PCDHA13: variants seen among roughly 807,000 people sequenced by gnomAD.
PCDHA13 encodes the protein protocadherin alpha 13.
In PCDHA13, 54 loss-of-function variants were observed where a neutral mutation model predicts 64.8. The observed-to-expected ratio is 0.83, with a 90% CI of 0.67 to 1.04. The LOEUF (loss-of-function observed/expected upper bound fraction) is 1.04. Among genes scored for constraint, PCDHA13 ranks in the 50% least tolerant of loss-of-function variants. The pLI, the probability that PCDHA13 is intolerant of heterozygous loss-of-function variation, is 0.00. For synonymous variants in PCDHA13, 587 were observed against 564.4 expected (o/e 1.04, Z -0.57); for missense variants, 1,248 against 1,254.3 (o/e 0.99, Z 0.08).
intron 1 of PCDHA13, among the ~76,000 whole-genome samples, chr5:140,903,298 A>G (rs1218115864): frequency 6.6e-6 from 1 of 152,170 alleles, no homozygotes; most frequent in Non-Finnish European, 1.5e-5. Context: ...TAGGAAATTT[A>G]GTATACAATA....
Position 140,912,120 on chromosome 5 carries a change from G to A in PCDHA13, c.2394+27458G>A, listed in dbSNP as rs371645551. On this transcript the variant is annotated intron_variant, in intron 1 of 3. Transcript: ENST00000289272. ...AGAAAGATGTAGGCTGGGAGGCTAA[G>A]TCAGTCTAATCTCTCCATGTTCTTC... Among the ~76,000 whole-genome samples the A allele has an allele frequency of 1.7e-4, 26 of 152,328 alleles. 3 individuals are homozygous for A. In the East Asian group the frequency reaches 1.9e-3, roughly 11 times the overall value.
intron 3 of PCDHA13, among the ~76,000 whole-genome samples, chr5:141,005,494 G>A (rs1554260099): frequency 2.0e-5 from 3 of 151,700 alleles, no homozygotes; most frequent in Non-Finnish European, 2.9e-5. Flanking sequence ...ATGAGGTCAG[G>A]AGATCGAGAC....
At chr5:140,927,596 G>C in intron 1 of PCDHA13, 3 of 1,614,162 alleles carry the variant, frequency 1.9e-6, no homozygotes, top group Non-Finnish European at 2.5e-6. Flanking sequence ...GTATTTGAGC[G>C]CTCCGTATAC....
At chr5:140,925,955 G>T (rs1350124934) in intron 1 of PCDHA13, among the ~76,000 whole-genome samples, 1 of 152,076 alleles carries the variant, frequency 6.6e-6, no homozygotes. Context: ...AGGAGAAACT[G>T]CTATCACGCA....
intron 1 of PCDHA13, among the ~76,000 whole-genome samples, chr5:140,898,043 T>A (rs1554187781): frequency 6.6e-6 from 1 of 152,148 alleles, no homozygotes; most frequent in African/African-American, 2.4e-5. Context: ...GTTGTTTGTT[T>A]TTTTCTTGTA....
chr5:140,976,770 C>T (rs2096730456), intron 1 of PCDHA13, among the ~76,000 whole-genome samples: 1 of 152,162 alleles, frequency 6.6e-6, no homozygotes, highest in Non-Finnish European at 1.5e-5. Flanking sequence ...GCCTGCTAGA[C>T]TCTGACTATA....
At chr5:140,952,962 C>T (rs246032) in intron 1 of PCDHA13, among the ~76,000 whole-genome samples, 1 of 151,598 alleles carries the variant, frequency 6.6e-6, no homozygotes, top group Non-Finnish European at 1.5e-5. Context: ...GGAAGTGATA[C>T]ACACTTTTAA....
At chr5:140,916,321 C>T (rs1302078048) in intron 1 of PCDHA13, among the ~76,000 whole-genome samples, 1 of 152,160 alleles carries the variant, frequency 6.6e-6, no homozygotes, top group Non-Finnish European at 1.5e-5. Flanking sequence ...AGACAAAGTC[C>T]CCTTTACTTT....
At chr5:140,952,698 C>G (rs1020795237) in intron 1 of PCDHA13, among the ~76,000 whole-genome samples, 4 of 152,182 alleles carry the variant, frequency 2.6e-5, no homozygotes, top group Non-Finnish European at 4.4e-5. Context: ...ATAGCAATAT[C>G]CCACTCTCAG....
intron 1 of PCDHA13, among the ~76,000 whole-genome samples, chr5:140,905,859 A>T (rs2072155643): frequency 1.3e-5 from 2 of 152,192 alleles, no homozygotes; most frequent in Non-Finnish European, 2.9e-5. Context: ...GTATTAACTC[A>T]CACAATCACA....
At chr5:140,982,092 G>A (rs984553109) in intron 2 of PCDHA13, among the ~76,000 whole-genome samples, 1 of 152,218 alleles carries the variant, frequency 6.6e-6, no homozygotes, top group African/African-American at 2.4e-5. Context: ...CTAGGAACAA[G>A]AGAACCTGCA....
chr5:140,950,254 T>C (rs1554219388), intron 1 of PCDHA13, among the ~76,000 whole-genome samples: 1 of 152,040 alleles, frequency 6.6e-6, no homozygotes. Context: ...CCTAAAGAGC[T>C]GAGTTTATCC....
chr5:140,914,130 A>G (rs552189632), intron 1 of PCDHA13, among the ~76,000 whole-genome samples: 2 of 152,146 alleles, frequency 1.3e-5, no homozygotes, highest in African/African-American at 4.8e-5. Flanking sequence ...TTCTTTGTTG[A>G]GTTTTTGTCT....
chr5:140,927,445 T>C (rs2084204838), intron 1 of PCDHA13: 1 of 1,613,580 alleles, frequency 6.2e-7, no homozygotes, highest in Non-Finnish European at 8.5e-7. Context: ...ATACCCGGAG[T>C]TGGTGTTGGA....
Position 140,895,899 on chromosome 5 carries a change from C to T in PCDHA13, c.2394+11237C>T, listed in dbSNP as rs181661173. Among the ~76,000 whole-genome samples, 21 of 152,308 alleles carry T rather than the reference C, an allele frequency of 1.4e-4. No homozygotes were observed. The East Asian group carries it at 2.5e-3, about 18-fold the overall frequency. ...CGATCTCGGCTCACTGCAACCTCCGCGTCCCGGGCTCAACAATTATCCTGC... is the reference window on the plus strand; with the variant it reads ...CGATCTCGGCTCACTGCAACCTCCGTGTCCCGGGCTCAACAATTATCCTGC... On this transcript the variant is annotated intron_variant, in intron 1 of 3. Transcript: ENST00000289272.
At chr5:140,922,825 C>T (rs1554200979) in intron 1 of PCDHA13, among the ~76,000 whole-genome samples, 1 of 152,178 alleles carries the variant, frequency 6.6e-6, no homozygotes, top group Non-Finnish European at 1.5e-5. Context: ...CAGCATACTG[C>T]TAATAGATGT....
intron 1 of PCDHA13, chr5:140,969,086 G>A: frequency 6.2e-7 from 1 of 1,614,190 alleles, no homozygotes; most frequent in Non-Finnish European, 8.5e-7. Context: ...TGGCCTCAAA[G>A]TGCAGCCTCA....
At chr5:140,892,702 A>C (rs1391662001) in intron 1 of PCDHA13, among the ~76,000 whole-genome samples, 1 of 152,240 alleles carries the variant, frequency 6.6e-6, no homozygotes, top group Non-Finnish European at 1.5e-5. Flanking sequence ...AAATCAGGGT[A>C]ATTAGCATAT....
Position 140,916,977 on chromosome 5 carries a change from T to A in PCDHA13, c.2394+32315T>A, listed in dbSNP as rs569550595. Among the ~76,000 whole-genome samples the A allele has an allele frequency of 2.6e-5, 4 of 152,302 alleles. No individual in the cohort carries two copies. In the South Asian group the frequency reaches 8.3e-4, roughly 32 times the overall value. On this transcript the variant is annotated intron_variant, in intron 1 of 3. Transcript: ENST00000289272. ...AGTTCTGACTGCTGGGATGAGTGAT[T>A]CGCCTCTGGCCAGGCCTGTTCCAAA...
Sources: gnomAD v4.1 joint callset for allele counts (sites outside exome capture counted in the v4.1 genomes callset) on GRCh38, gnomAD v4.1.1 for gene constraint, MANE v1.5 for transcripts, NCBI Gene and HGNC (gene_info 2026-07-23, HGNC 2026-07-21) for gene names.